The following CD2AP variants were observed in gnomAD, a reference collection of about 807,000 sequenced individuals.
The protein encoded by CD2AP is CD2-associated protein.
Under a neutral mutation model 85.1 loss-of-function variants are expected in CD2AP, and 46 were observed. The observed-to-expected ratio is 0.54, with a 90% confidence interval of 0.43 to 0.69. The LOEUF (loss-of-function observed/expected upper bound fraction) is 0.69. Among genes scored for constraint, CD2AP ranks in the 30% least tolerant of loss-of-function variants. The probability of loss-of-function intolerance (pLI) is 0.00; values close to 1 mark genes in which losing one functional copy is unlikely to be tolerated. For synonymous variants in CD2AP, 255 were observed against 252.9 expected, an observed-to-expected ratio of 1.01 and a Z score of -0.08; for missense variants, 769 against 729.5, an observed-to-expected ratio of 1.05 and a Z score of -0.62.
At chr6:47,545,353 C>T (rs1457190458) in intron 4 of CD2AP, among the ~76,000 whole-genome samples, 1 of 152,130 alleles carries the variant, frequency 6.6e-6, no homozygotes, top group African/African-American at 2.4e-5. Context: ...GCAAGATCCA[C>T]CCAAGGAGAG....
At chr6:47,612,200 T>G (rs943434956) in intron 16 of CD2AP, among the ~76,000 whole-genome samples, 2 of 152,142 alleles carry the variant, frequency 1.3e-5, no homozygotes, top group African/African-American at 2.4e-5. Flanking sequence ...AGAAAATTTC[T>G]TCTAAAGGTT....
At chr6:47,520,350 A>G (rs370207752) in intron 2 of CD2AP, among the ~76,000 whole-genome samples, 27 of 152,332 alleles carry the variant, frequency 1.8e-4, no homozygotes, top group East Asian at 1.3e-3. Context: ...GAGGAAATCT[A>G]TGCTGAAAAA....
intron 4 of CD2AP, among the ~76,000 whole-genome samples, chr6:47,552,709 G>A (rs1242236676): frequency 6.6e-6 from 1 of 152,114 alleles, no homozygotes; most frequent in Non-Finnish European, 1.5e-5. Context: ...GTAATAGACA[G>A]CTGATGTTTC....
At chr6:47,522,015 C>CA (rs36100742) in intron 2 of CD2AP, among the ~76,000 whole-genome samples, 40,073 of 143,198 alleles carry the variant, frequency 0.28, 5,483 homozygotes, top group African/African-American at 0.34. Flanking sequence ...AACTCTGCCT[C>CA]AAAAAAAAAA....
intron 2 of CD2AP, among the ~76,000 whole-genome samples, chr6:47,530,264 AAGTT>A (rs1215432053): frequency 1.3e-5 from 2 of 152,228 alleles, no homozygotes; most frequent in African/African-American, 4.8e-5. Flanking sequence ...AAAATTCAGT[AAGTT>A]TTTAAACAAT....
chr6:47,568,020 G>A (rs768293057), intron 5 of CD2AP, among the ~76,000 whole-genome samples: 16 of 152,138 alleles, frequency 1.1e-4, no homozygotes, highest in Non-Finnish European at 1.5e-4. Flanking sequence ...TGGGGATGGA[G>A]AGACACGTGT....
intron 2 of CD2AP, among the ~76,000 whole-genome samples, chr6:47,533,185 G>A (rs1306892086): frequency 6.6e-6 from 1 of 152,186 alleles, no homozygotes; most frequent in African/African-American, 2.4e-5. Flanking sequence ...ATATCTGACT[G>A]CATTTATACC....
At chr6:47,530,562 TA>T (rs1211655067) in intron 2 of CD2AP, among the ~76,000 whole-genome samples, 1 of 152,262 alleles carries the variant, frequency 6.6e-6, no homozygotes, top group Non-Finnish European at 1.5e-5. Flanking sequence ...TTCCATTGTT[TA>T]TTCATTTACT....
chr6:47,595,975 T>A lies in CD2AP; in HGVS notation c.1223T>A (p.Val408Glu). ...AATTTACTGAGATCTTCTGGAACAG[T>A]GTACCCAAAGCGACCTGAAAAACCA... ...ASNLLRSSGTVYPKRPEKPVP... is the reference protein window; with the variant it reads ...ASNLLRSSGTEYPKRPEKPVP... Residue 408 changes from valine to glutamate, a missense_variant, in exon 12 of 18, where the codon GTG (valine) becomes GAG (glutamate). Val to Glu is a moderately radical substitution (Grantham distance 121). Transcript: ENST00000359314. The A allele has an allele frequency of 1.2e-6, 2 of 1,613,072 alleles. No homozygotes were observed. Among genetic ancestry groups the A allele is most frequent in the Non-Finnish European group, 8.5e-7 (1 of 1,179,256 alleles).
chr6:47,515,078 A>G (rs1288266363), intron 2 of CD2AP, among the ~76,000 whole-genome samples: 3 of 151,956 alleles, frequency 2.0e-5, no homozygotes, highest in Non-Finnish European at 4.4e-5. Context: ...GTAACACTGA[A>G]TTGGTTCTTA....
chr6:47,575,555 T>A (rs1768286057), intron 6 of CD2AP, among the ~76,000 whole-genome samples: 2 of 152,140 alleles, frequency 1.3e-5, no homozygotes, highest in Admixed American at 1.3e-4. Context: ...CACAATATGG[T>A]GTTTAGAGTT....
At chr6:47,585,588 G>A (rs1175614824) in intron 11 of CD2AP, among the ~76,000 whole-genome samples, 1 of 152,176 alleles carries the variant, frequency 6.6e-6, no homozygotes, top group East Asian at 1.9e-4. Context: ...AGTTGAGGAT[G>A]CAGAGATAGG....
At chr6:47,499,265 G>C (rs1765943781) in intron 1 of CD2AP, among the ~76,000 whole-genome samples, 1 of 151,950 alleles carries the variant, frequency 6.6e-6, no homozygotes, top group Admixed American at 6.6e-5. Flanking sequence ...GGATGTTGCT[G>C]GTTTCAGGTC....
chr6:47,535,990 G>T (rs1450066869), intron 3 of CD2AP, among the ~76,000 whole-genome samples: 5 of 152,150 alleles, frequency 3.3e-5, no homozygotes. Context: ...CCTTTCGTAA[G>T]AACACTGGAT....
intron 2 of CD2AP, among the ~76,000 whole-genome samples, chr6:47,517,330 G>A (rs1349505205): frequency 6.6e-6 from 1 of 151,330 alleles, no homozygotes; most frequent in Non-Finnish European, 1.5e-5. Flanking sequence ...TCACCCAGGC[G>A]GGAGTGCAGT....
At chr6:47,549,298 A>G (rs1021079896) in intron 4 of CD2AP, among the ~76,000 whole-genome samples, 18 of 152,082 alleles carry the variant, frequency 1.2e-4, no homozygotes, top group Admixed American at 3.9e-4. Flanking sequence ...GTTTACCTTG[A>G]AATCCCTAAA....
chr6:47,595,936 C>G lies in CD2AP; in HGVS notation c.1184C>G (p.Pro395Arg). ...GTCCCACCCAAGAAACCTACTCCAC[C>G]TACCAAAGCCAGTAATTTACTGAGA... Reference protein sequence around the residue: ...PQVPPKKPTPPTKASNLLRSS... With the variant: ...PQVPPKKPTPRTKASNLLRSS... The change falls in exon 12 of 18, where the codon CCT becomes CGT. Residue 395 changes from proline (P) to arginine (R), a missense_variant. By Grantham distance (103) the Pro-to-Arg change is moderately radical. Transcript: ENST00000359314. 6.2e-7 allele frequency: 1 copy of G among 1,612,714 alleles called. No individual in the cohort carries two copies. The highest frequency in any genetic ancestry group is 1.1e-5 in the South Asian group (1 of 91,054).
chr6:47,618,938 A>G (rs1040715415), intron 17 of CD2AP, among the ~76,000 whole-genome samples: 3 of 152,232 alleles, frequency 2.0e-5, no homozygotes, highest in Non-Finnish European at 2.9e-5. Context: ...TATTTAAAGG[A>G]GAAAGATGTT....
chr6:47,594,083 G>A (rs943907919), intron 11 of CD2AP, among the ~76,000 whole-genome samples: 1 of 152,066 alleles, frequency 6.6e-6, no homozygotes, highest in African/African-American at 2.4e-5. Context: ...TATCCAAAAT[G>A]GGTAAATCCA....
Sources: allele counts gnomAD v4.1 joint callset (sites outside exome capture counted in the v4.1 genomes callset), GRCh38; gene constraint gnomAD v4.1.1; transcripts MANE v1.5; gene names NCBI Gene and HGNC (gene_info 2026-07-23, HGNC 2026-07-21).